Variants in ANK3 observed in about 807,000 individuals in gnomAD.
The protein encoded by ANK3 is ankyrin-3.
In ANK3, 57 loss-of-function variants were observed where a neutral mutation model predicts 370.9. That is an observed-to-expected ratio of 0.15 (90% CI 0.12 to 0.19). The LOEUF is 0.19. ANK3 is among the 10% of genes least tolerant of loss of function. The pLI is 1.00. For synonymous variants in ANK3, 1,929 were observed against 1,946.3 expected (o/e 0.99, Z 0.23); for missense variants, 4,439 against 5,302.1 (o/e 0.84, Z 5.06).
At chr10:60,347,492 T>C (rs561855992) in intron 1 of ANK3, among the ~76,000 whole-genome samples, 2 of 152,150 alleles carry the variant, frequency 1.3e-5, no homozygotes, top group South Asian at 4.2e-4. Flanking sequence ...TGCTGTGTGA[T>C]GTTGGACAAG....
At chr10:60,502,874 AAG>A (rs1278275120) in intron 2 of ANK3, among the ~76,000 whole-genome samples, 1 of 130,056 alleles carries the variant, frequency 7.7e-6, no homozygotes, top group Non-Finnish European at 1.7e-5. Flanking sequence ...AAGGAAAATA[AAG>A]AGGGAAAGAA....
chr10:60,692,514 G>A (rs2079370242), intron 1 of ANK3, among the ~76,000 whole-genome samples: 1 of 152,176 alleles, frequency 6.6e-6, no homozygotes, highest in Non-Finnish European at 1.5e-5. Context: ...GTATGGAAGT[G>A]TCACACATTC....
At chr10:60,616,567 T>C (rs1357298670) in intron 1 of ANK3, among the ~76,000 whole-genome samples, 1 of 152,128 alleles carries the variant, frequency 6.6e-6, no homozygotes, top group African/African-American at 2.4e-5. Flanking sequence ...AATCTACCTA[T>C]TTACATGGCA....
intron 1 of ANK3, among the ~76,000 whole-genome samples, chr10:60,698,895 A>T (rs951778076): frequency 4.1e-5 from 5 of 122,988 alleles, no homozygotes; most frequent in Non-Finnish European, 3.5e-5. Flanking sequence ...TAAAACTTAA[A>T]GTATAATAAT....
At position 60,415,125 on chromosome 10, in the gene ANK3, G is replaced by A. The variant is rs369108464; in HGVS notation, c.97-135486C>T. Among the ~76,000 whole-genome samples the A allele has an allele frequency of 1.5e-4, 23 of 152,112 alleles. No individual in the cohort carries two copies. The East Asian group carries it at 1.5e-3, about 10-fold the overall frequency. On this transcript the variant is annotated intron_variant, in intron 2 of 43. Transcript: ENST00000373827. ...TGTATTGTCAGCTGCCTACAATTCC[G>A]TGCCCCACCTGCAGCAAGGCCAGAG...
intron 1 of ANK3, among the ~76,000 whole-genome samples, chr10:60,651,315 C>T (rs1260389004): frequency 6.6e-6 from 1 of 152,152 alleles, no homozygotes; most frequent in African/African-American, 2.4e-5. Context: ...GATCAGCAGT[C>T]ATTCCAGCTT....
chr10:60,289,627 A>C (rs1238762793), intron 1 of ANK3, among the ~76,000 whole-genome samples: 1 of 151,932 alleles, frequency 6.6e-6, no homozygotes, highest in Non-Finnish European at 1.5e-5. Flanking sequence ...TCAAACTCCT[A>C]GGCTCAAGTG....
chr10:60,153,584 G>C (rs1487386938), intron 23 of ANK3, among the ~76,000 whole-genome samples: 1 of 152,140 alleles, frequency 6.6e-6, no homozygotes, highest in Non-Finnish European at 1.5e-5. Flanking sequence ...ATCTTAAGGT[G>C]ACTTAAGATA....
At chr10:60,473,567 G>A (rs998661431) in intron 2 of ANK3, among the ~76,000 whole-genome samples, 13 of 152,008 alleles carry the variant, frequency 8.6e-5, no homozygotes, top group African/African-American at 3.1e-4. Context: ...TGAGTATGAA[G>A]GACCCCTTAA....
intron 25 of ANK3, among the ~76,000 whole-genome samples, chr10:60,114,587 ATAAC>A (rs1359329339): frequency 6.6e-6 from 1 of 152,260 alleles, no homozygotes; most frequent in African/African-American, 2.4e-5. Flanking sequence ...GAAATATCAC[ATAAC>A]TAACTCCAAC....
At chr10:60,346,679 A>G (rs988436389) in intron 1 of ANK3, among the ~76,000 whole-genome samples, 1 of 152,146 alleles carries the variant, frequency 6.6e-6, no homozygotes, top group African/African-American at 2.4e-5. Context: ...ATACATAACC[A>G]ACTCTCATAC....
chr10:60,263,779 G>T, intron 6 of ANK3, 56 bp downstream of exon 6: 12 of 1,601,160 alleles, frequency 7.5e-6, no homozygotes, highest in African/African-American at 1.3e-5. Flanking sequence ...GCTCTTAAAG[G>T]TTGTGTGTCT....
intron 43 of ANK3, among the ~76,000 whole-genome samples, chr10:60,036,422 A>AGTTTTTTT (rs2074980538): frequency 1.4e-5 from 1 of 72,310 alleles, no homozygotes; most frequent in Non-Finnish European, 2.3e-5. Context: ...GTCAGAGGCA[A>AGTTTTTTT]TTTTTTTTTT....
intron 7 of ANK3, among the ~76,000 whole-genome samples, chr10:60,249,389 T>C (rs545525577): frequency 1.3e-5 from 2 of 152,340 alleles, no homozygotes; most frequent in Admixed American, 1.3e-4. Flanking sequence ...AAAAAAGTAA[T>C]GGGGATTTAT....
intron 1 of ANK3, among the ~76,000 whole-genome samples, chr10:60,324,287 AAT>A (rs1295761563): frequency 6.6e-6 from 1 of 152,188 alleles, no homozygotes; most frequent in Non-Finnish European, 1.5e-5. Context: ...GTGGAAGGTG[AAT>A]ATGTGTGGCA....
intron 1 of ANK3, among the ~76,000 whole-genome samples, chr10:60,295,233 G>A (rs2042251316): frequency 6.6e-6 from 1 of 152,170 alleles, no homozygotes; most frequent in South Asian, 2.1e-4. Flanking sequence ...GACCCAGGAT[G>A]CCTAAGTTCA....
intron 2 of ANK3, among the ~76,000 whole-genome samples, chr10:60,547,089 C>CT (rs5785455): frequency 0.75 from 90,005 of 120,752 alleles, 35,620 homozygotes; most frequent in Non-Finnish European, 0.86. Flanking sequence ...CAATGCAACT[C>CT]TTTTTTTTTT....
chr10:60,672,815 T>C (rs755019489), intron 1 of ANK3, among the ~76,000 whole-genome samples: 1 of 152,110 alleles, frequency 6.6e-6, no homozygotes, highest in Non-Finnish European at 1.5e-5. Flanking sequence ...TTGTGAGACC[T>C]TGCACTTAAC....
chr10:60,341,492 T>A (rs1477689115), intron 1 of ANK3, among the ~76,000 whole-genome samples: 1 of 152,178 alleles, frequency 6.6e-6, no homozygotes, highest in African/African-American at 2.4e-5. Context: ...GTAGATAATA[T>A]CAGAGGTCCC....
Sources: gnomAD v4.1 joint callset for allele counts (sites outside exome capture counted in the v4.1 genomes callset) on GRCh38, gnomAD v4.1.1 for gene constraint, MANE v1.5 for transcripts, NCBI Gene and HGNC (gene_info 2026-07-23, HGNC 2026-07-21) for gene names.